The following CSMD2 variants were observed in gnomAD, a reference collection of about 807,000 sequenced individuals.
The protein encoded by CSMD2 is CUB and sushi domain-containing protein 2.
Under a neutral mutation model 398.5 loss-of-function variants are expected in CSMD2, and 130 were observed. That is an observed-to-expected ratio of 0.33 (90% CI 0.28 to 0.38). CSMD2 has a LOEUF of 0.38. Ranked by LOEUF, CSMD2 falls within the 10% of genes least tolerant of loss-of-function variation. The probability of loss-of-function intolerance (pLI) is 1.00; values close to 1 mark genes in which losing one functional copy is unlikely to be tolerated. For synonymous variants in CSMD2, 1,828 were observed against 1,908.5 expected, an observed-to-expected ratio of 0.96 and a Z score of 1.10; for missense variants, 3,829 against 4,764.9, an observed-to-expected ratio of 0.80 and a Z score of 5.78.
At chr1:33,557,458 G>A (rs1475472317) in intron 55 of CSMD2, among the ~76,000 whole-genome samples, 2 of 152,208 alleles carry the variant, frequency 1.3e-5, no homozygotes, top group African/African-American at 4.8e-5. Context: ...GTAAGCTGAA[G>A]AGGGTGGTAA....
chr1:33,556,547 T>C (rs1003079051), intron 55 of CSMD2, among the ~76,000 whole-genome samples: 36 of 152,202 alleles, frequency 2.4e-4, no homozygotes, highest in Admixed American at 2.1e-3. Context: ...GAGAAATCTA[T>C]GTGGATTCAC....
intron 3 of CSMD2, among the ~76,000 whole-genome samples, chr1:33,978,662 G>A (rs1255510953): frequency 6.6e-6 from 1 of 152,072 alleles, no homozygotes; most frequent in African/African-American, 2.4e-5. Context: ...GGCCAGGAGA[G>A]GACACCGTAC....
At chr1:33,723,654 C>T (rs1646431478) in intron 19 of CSMD2, among the ~76,000 whole-genome samples, 1 of 152,138 alleles carries the variant, frequency 6.6e-6, no homozygotes, top group East Asian at 1.9e-4. Flanking sequence ...AGGGGAGGAG[C>T]TGAGTTATGC....
chr1:33,681,248 A>G (rs1384043807), intron 25 of CSMD2, among the ~76,000 whole-genome samples: 2 of 150,492 alleles, frequency 1.3e-5, no homozygotes, highest in African/African-American at 4.9e-5. Flanking sequence ...TGTTTATTAT[A>G]TTTTCTTGCT....
chr1:33,900,664 A>G (rs977525102), intron 5 of CSMD2, among the ~76,000 whole-genome samples: 24 of 152,128 alleles, frequency 1.6e-4, no homozygotes, highest in Non-Finnish European at 2.9e-5. Flanking sequence ...TTGTAATCCC[A>G]GCTACTGGGG....
intron 1 of CSMD2, among the ~76,000 whole-genome samples, chr1:34,099,637 G>C (rs1286402327): frequency 6.6e-6 from 1 of 152,238 alleles, no homozygotes; most frequent in Non-Finnish European, 1.5e-5. Context: ...AAAGGTGACA[G>C]AGCAGGGAAC....
At chr1:33,940,347 G>C (rs555997942) in intron 3 of CSMD2, among the ~76,000 whole-genome samples, 1 of 152,104 alleles carries the variant, frequency 6.6e-6, no homozygotes, top group South Asian at 2.1e-4. Context: ...AGGTACTGGG[G>C]GTTAAGTCTT....
In CSMD2 at chr1:33,547,992, G is replaced by A. The variant is rs142245680; in HGVS notation, c.8918-1773C>T. 8.1e-3 allele frequency among the ~76,000 whole-genome samples: 1,237 copies of A among 152,330 alleles called. 14 individuals are homozygous for A. The highest frequency in any genetic ancestry group is 9.7e-3 in the Non-Finnish European group (658 of 68,026). On this transcript the variant is annotated intron_variant, in intron 56 of 70. Transcript: ENST00000373381. The stretch of plus-strand genomic sequence containing the variant: ...GGTGGATTTCCCCCTTGCTGTTCTC[G>A]TGATAGTGAGTGAGTTCTCATGAGA...
At chr1:33,652,737 C>T (rs1643828876) in intron 27 of CSMD2, among the ~76,000 whole-genome samples, 1 of 152,204 alleles carries the variant, frequency 6.6e-6, no homozygotes, top group African/African-American at 2.4e-5. Flanking sequence ...AGGTGCATTT[C>T]ACCTCAATAA....
intron 67 of CSMD2, 74 bp downstream of exon 67, chr1:33,523,233 G>T: frequency 1.3e-6 from 1 of 767,636 alleles, no homozygotes; most frequent in Non-Finnish European, 2.3e-6. Context: ...CTAGGGGTTT[G>T]CACACCCTTT....
At chr1:34,025,894 G>A (rs962285376) in intron 3 of CSMD2, among the ~76,000 whole-genome samples, 3 of 152,184 alleles carry the variant, frequency 2.0e-5, no homozygotes, top group South Asian at 4.1e-4. Context: ...ACCACGAACA[G>A]CTGGATTAAG....
In CSMD2 at chr1:33,739,157, G is replaced by A. The variant is rs1351216871; in HGVS notation, c.2351C>T (p.Ala784Val). 1 of 1,613,710 alleles carries A rather than the reference G, an allele frequency of 6.2e-7. No individual in the cohort carries two copies. Among genetic ancestry groups the A allele is most frequent in the East Asian group, 2.2e-5 (1 of 44,854 alleles). The change falls in exon 15 of 71, where the codon GCT (alanine) becomes GTT (valine). Residue 784 changes from alanine to valine, a missense_variant. Around this residue, in one of 5 missense-constraint regions of CSMD2, gnomAD observed 2,001 missense variants for 2,567.1 expected, o/e 0.78. Coordinates refer to ENST00000373381, the MANE Select transcript of CSMD2 (RefSeq NM_001281956.2). Reference sequence around the variant, plus strand: ...GCTCGTACCTTCACACCGCAGCACAGCGCTGTTCCAGACCACGCTGCCCTC... The same window carrying A: ...GCTCGTACCTTCACACCGCAGCACAACGCTGTTCCAGACCACGCTGCCCTC... The part of the protein sequence containing the change: ...LKEGSVVWNS[A>V]VLRCEAPCGG...
rs766016274 is a variant in CSMD2 at position 33,577,413 on chromosome 1, C to T, written c.7459G>A (p.Gly2487Ser). 1.4e-5 allele frequency: 22 copies of T among 1,614,102 alleles called. 2 individuals are homozygous for T. In the South Asian group the frequency reaches 2.4e-4, roughly 18 times the overall value. ...ILGQTSTQPG[G>S]SIHFGCNAGY... Reference sequence around the variant, plus strand: ...GCGTTGCAGCCAAAGTGGATGGAGCCCCCGGGCTGGGTGCTGGTCTGGCCT... The same window carrying T: ...GCGTTGCAGCCAAAGTGGATGGAGCTCCCGGGCTGGGTGCTGGTCTGGCCT... Residue 2487 changes from glycine (G) to serine (S), a missense_variant, in exon 49 of 71, where the codon GGC (glycine) becomes AGC (serine). Coordinates refer to ENST00000373381, the MANE Select transcript of CSMD2 (RefSeq NM_001281956.2).
intron 2 of CSMD2, among the ~76,000 whole-genome samples, chr1:34,065,724 T>C (rs1655039946): frequency 6.6e-6 from 1 of 152,192 alleles, no homozygotes; most frequent in Admixed American, 6.5e-5. Flanking sequence ...ACACAGTAAA[T>C]GCTCAAAAAT....
chr1:33,844,288 G>A (rs1480613202), intron 6 of CSMD2, among the ~76,000 whole-genome samples: 2 of 45,290 alleles, frequency 4.4e-5, no homozygotes, highest in East Asian at 9.7e-4. Flanking sequence ...GTGTGTGTGT[G>A]GGGGGGCGCT....
chr1:34,063,694 T>C (rs958437799), intron 2 of CSMD2, among the ~76,000 whole-genome samples: 8 of 152,314 alleles, frequency 5.3e-5, no homozygotes, highest in Non-Finnish European at 1.2e-4. Flanking sequence ...TGCAAGCTGT[T>C]GGTGGATCTA....
At chr1:34,081,540 T>G (rs1220377288) in intron 2 of CSMD2, among the ~76,000 whole-genome samples, 1 of 152,152 alleles carries the variant, frequency 6.6e-6, no homozygotes, top group East Asian at 1.9e-4. Context: ...TGCCTCGGCC[T>G]GCCGAGTGCC....
In CSMD2 at chr1:34,069,098, C is replaced by T. The variant is rs980789512; in HGVS notation, c.404+19879G>A. ...ACCAATGCTTTCACATGGCAGCCTGCATGACATTGTTCATCTTGCACCCCC... is the reference window on the plus strand; with the variant it reads ...ACCAATGCTTTCACATGGCAGCCTGTATGACATTGTTCATCTTGCACCCCC... On this transcript the variant is annotated intron_variant, in intron 2 of 70. Transcript: ENST00000373381. Among the ~76,000 whole-genome samples the T allele has an allele frequency of 3.8e-4, 58 of 152,332 alleles. 1 individual carries two copies. The highest frequency in any genetic ancestry group is 1.3e-3 in the African/African-American group (55 of 41,580).
chr1:34,004,802 C>CA (rs1647008452), intron 3 of CSMD2, among the ~76,000 whole-genome samples: 1 of 151,260 alleles, frequency 6.6e-6, no homozygotes, highest in African/African-American at 2.4e-5. Flanking sequence ...ATCTTAATTC[C>CA]ACCTAATCTA....
Sources: allele counts gnomAD v4.1 joint callset (sites outside exome capture counted in the v4.1 genomes callset), GRCh38; gene constraint gnomAD v4.1.1; regional missense constraint gnomAD v4.1.1; transcripts MANE v1.5; gene names NCBI Gene and HGNC (gene_info 2026-07-23, HGNC 2026-07-21).